SLC43A1: variants seen among roughly 807,000 people sequenced by gnomAD.
The protein encoded by SLC43A1 is solute carrier family 43 member 1.
In SLC43A1, 31 loss-of-function variants were observed where a neutral mutation model predicts 59.5. The observed-to-expected ratio is 0.52, with a 90% CI of 0.39 to 0.70. SLC43A1 has a LOEUF of 0.70. SLC43A1 is among the 30% of genes least tolerant of loss of function. SLC43A1 has a pLI of 0.00. For missense variants in SLC43A1, 598 were observed against 717.8 expected (o/e 0.83, Z 1.91); for synonymous variants, 259 against 290.9 (o/e 0.89, Z 1.12).
intron 11 of SLC43A1, 146 bp from the exon 12 acceptor site, chr11:57,489,538 G>C: frequency 1.0e-6 from 1 of 960,628 alleles, no homozygotes; most frequent in Non-Finnish European, 1.6e-6. Flanking sequence ...GAAACCCATA[G>C]AAACCCACGT....
chr11:57,507,590 C>T (rs1428347725), intron 2 of SLC43A1, among the ~76,000 whole-genome samples: 1 of 152,212 alleles, frequency 6.6e-6, no homozygotes, highest in East Asian at 1.9e-4. Flanking sequence ...ATGCATTGAG[C>T]TGTGTTTATA....
intron 2 of SLC43A1, among the ~76,000 whole-genome samples, chr11:57,513,658 G>C (rs1399611597): frequency 6.6e-6 from 1 of 152,164 alleles, no homozygotes; most frequent in African/African-American, 2.4e-5. Flanking sequence ...TCCTCTCCCA[G>C]CACGTCTCCT....
intron 2 of SLC43A1, 27 bp downstream of exon 2, chr11:57,513,930 AG>A: frequency 5.6e-6 from 2 of 358,732 alleles, no homozygotes; most frequent in Non-Finnish European, 1.1e-5. Flanking sequence ...CCCTCCCCCC[AG>A]CCCACCCAGC....
At chr11:57,512,318 G>A (rs959275482) in intron 2 of SLC43A1, among the ~76,000 whole-genome samples, 1 of 152,168 alleles carries the variant, frequency 6.6e-6, no homozygotes, top group Non-Finnish European at 1.5e-5. Flanking sequence ...TAGGCCAAGA[G>A]TGGTGGCTCA....
intron 2 of SLC43A1, among the ~76,000 whole-genome samples, chr11:57,501,940 A>G (rs1329751731): frequency 2.0e-5 from 3 of 152,112 alleles, no homozygotes; most frequent in Non-Finnish European, 4.4e-5. Flanking sequence ...GCACTTAACT[A>G]TGCTCCAGGC....
chr11:57,506,816 G>A (rs1215853179), intron 2 of SLC43A1, among the ~76,000 whole-genome samples: 1 of 152,192 alleles, frequency 6.6e-6, no homozygotes, highest in Admixed American at 6.5e-5. Flanking sequence ...GATTTGTAGT[G>A]AGGACTAAAT....
chr11:57,513,310 G>A (rs1459043407), intron 2 of SLC43A1, among the ~76,000 whole-genome samples: 6 of 152,200 alleles, frequency 3.9e-5, no homozygotes, highest in Non-Finnish European at 5.9e-5. Context: ...CCCAGAATAG[G>A]AAGATACCCA....
chr11:57,501,191 A>G lies in SLC43A1; in HGVS notation c.293T>C (p.Met98Thr), dbSNP rs761894985. 9.3e-6 allele frequency: 15 copies of G among 1,612,410 alleles called. No individual in the cohort carries two copies. Among genetic ancestry groups the G allele is most frequent in the Non-Finnish European group, 1.3e-5 (15 of 1,180,018 alleles). ...SATTLPLGIL[M>T]DRFGPRPVRL... ...CACGGGTCGGGGGCCAAAGCGGTCC[A>G]TGAGGATCCCCAGTGGCAGGGTGGT... is the stretch of plus-strand genomic sequence containing the variant. The change falls in exon 3 of 15, where the codon ATG (methionine) becomes ACG (threonine). Residue 98 changes from methionine to threonine, a missense_variant. By Grantham distance (81) the Met-to-Thr change is moderately conservative. Transcript: ENST00000278426.
chr11:57,509,672 AG>A (rs1426353368), intron 2 of SLC43A1, among the ~76,000 whole-genome samples: 13 of 87,114 alleles, frequency 1.5e-4, no homozygotes, highest in Non-Finnish European at 2.9e-4. Flanking sequence ...GAGGAAGGGA[AG>A]GAGGGAGGGA....
At chr11:57,513,851 A>G in intron 2 of SLC43A1, 107 bp downstream of exon 2, 2 of 868,826 alleles carry the variant, frequency 2.3e-6, no homozygotes, top group East Asian at 5.3e-5. Context: ...AGGCTGTCCA[A>G]CTGCTGACCC....
intron 2 of SLC43A1, 84 bp from the exon 3 acceptor site, chr11:57,501,413 G>A (rs767311732): frequency 1.0e-5 from 15 of 1,449,972 alleles, no homozygotes; most frequent in Non-Finnish European, 1.4e-5. Flanking sequence ...CAGGCGGCCT[G>A]CTTTCAAATC....
At chr11:57,504,968 C>A (rs1944359054) in intron 2 of SLC43A1, among the ~76,000 whole-genome samples, 1 of 152,188 alleles carries the variant, frequency 6.6e-6, no homozygotes, top group Admixed American at 6.5e-5. Context: ...GATGCCAAGA[C>A]CTCTTAGAGC....
chr11:57,507,015 A>C (rs1421962224), intron 2 of SLC43A1, among the ~76,000 whole-genome samples: 2 of 152,178 alleles, frequency 1.3e-5, no homozygotes, highest in African/African-American at 2.4e-5. Context: ...CCCAAAGTTG[A>C]TACTAGTGAA....
At chr11:57,508,652 G>A (rs1367874587) in intron 2 of SLC43A1, among the ~76,000 whole-genome samples, 1 of 152,142 alleles carries the variant, frequency 6.6e-6, no homozygotes, top group Non-Finnish European at 1.5e-5. Flanking sequence ...AAATTAGCCA[G>A]GTGTGGAAGC....
At chr11:57,492,560 ATATATATATATAT>A (rs1344097406) in intron 8 of SLC43A1, among the ~76,000 whole-genome samples, 100 of 64,806 alleles carry the variant, frequency 1.5e-3, no homozygotes, top group Middle Eastern at 6.2e-3. Flanking sequence ...ATATATATAT[ATATATATATATAT>A]AAAAAAATAA....
In SLC43A1 at chr11:57,515,139, G is replaced by T; in HGVS notation, c.-14+305C>A. ...AGGGGGACTCGGTATTCTCATCTGTGAAACGGGGCTTTGGGTTCAAGCGCT... is the reference window on the plus strand; with the variant it reads ...AGGGGGACTCGGTATTCTCATCTGTTAAACGGGGCTTTGGGTTCAAGCGCT... On this transcript the variant is annotated intron_variant, in intron 1 of 14. Transcript: ENST00000278426. This position sits in a 1 kb window ranked among gnomAD's most constrained non-coding sequence, Gnocchi z 5.3. 2.2e-6 allele frequency: 2 copies of T among 922,480 alleles called. No homozygotes were observed. The highest frequency in any genetic ancestry group is 2.6e-6 in the Non-Finnish European group (2 of 772,570). 57.1% of individuals were successfully genotyped at this position (922,480 alleles called of 1,614,324 possible).
At chr11:57,509,647 A>AAGGAAGGAAGGAAGGAAGTT (rs1944480384) in intron 2 of SLC43A1, among the ~76,000 whole-genome samples, 2 of 124,846 alleles carry the variant, frequency 1.6e-5, no homozygotes, top group African/African-American at 6.0e-5. Context: ...GGAAGGAAGG[A>AAGGAAGGAAGGAAGGAAGTT]AGGAGGGAGG....
At chr11:57,501,884 T>C (rs1944277605) in intron 2 of SLC43A1, among the ~76,000 whole-genome samples, 1 of 152,174 alleles carries the variant, frequency 6.6e-6, no homozygotes, top group Non-Finnish European at 1.5e-5. Flanking sequence ...GAGGAAGCTT[T>C]CCCGATAAAT....
intron 7 of SLC43A1, 127 bp downstream of exon 7, chr11:57,495,904 G>C: frequency 9.7e-7 from 1 of 1,034,532 alleles, no homozygotes; most frequent in Non-Finnish European, 1.4e-6. Flanking sequence ...GAGCTTGGAG[G>C]GCTCAAGCGA....
Sources: allele counts gnomAD v4.1 joint callset (sites outside exome capture counted in the v4.1 genomes callset), GRCh38; gene constraint gnomAD v4.1.1; non-coding constraint Gnocchi (gnomAD v3.1); transcripts MANE v1.5; gene names NCBI Gene and HGNC (gene_info 2026-07-23, HGNC 2026-07-21).